Variants in NLGN1 observed in about 807,000 individuals in gnomAD.
NLGN1 encodes neuroligin 1.
NLGN1 carries 12 observed loss-of-function variants against 65.5 expected under a neutral mutation model. That is an observed-to-expected ratio of 0.18 (90% CI 0.12 to 0.30). The LOEUF is 0.30. NLGN1 is among the 10% of genes least tolerant of loss of function. The pLI is 1.00. For synonymous variants in NLGN1, 350 were observed against 359.5 expected (o/e 0.97, Z 0.30); for missense variants, 750 against 1,007.1 (o/e 0.74, Z 3.46).
At chr3:174,083,620 G>A (rs1223038117) in intron 4 of NLGN1, among the ~76,000 whole-genome samples, 1 of 152,068 alleles carries the variant, frequency 6.6e-6, no homozygotes, top group East Asian at 1.9e-4. Context: ...TAGATTTTAA[G>A]TATTGGAATA....
chr3:173,854,732 T>C (rs1417004301), intron 4 of NLGN1, among the ~76,000 whole-genome samples: 2 of 152,046 alleles, frequency 1.3e-5, no homozygotes, highest in African/African-American at 4.8e-5. Context: ...GTATTGGGGA[T>C]TGACATCTGA....
At chr3:173,978,836 A>C (rs867397175) in intron 4 of NLGN1, among the ~76,000 whole-genome samples, 2 of 135,482 alleles carry the variant, frequency 1.5e-5, no homozygotes, top group African/African-American at 2.8e-5. Context: ...TCTCTAATTA[A>C]AAAAAAAAAA....
chr3:173,696,417 CTT>C (rs1275781717), intron 3 of NLGN1, among the ~76,000 whole-genome samples: 3 of 151,962 alleles, frequency 2.0e-5, no homozygotes, highest in African/African-American at 2.4e-5. Flanking sequence ...TACCAAGAGA[CTT>C]TTTTTTCTCA....
At chr3:173,558,988 A>C (rs1452143728) in intron 2 of NLGN1, among the ~76,000 whole-genome samples, 4 of 152,128 alleles carry the variant, frequency 2.6e-5, no homozygotes, top group Non-Finnish European at 5.9e-5. Context: ...TTTTTGGTTG[A>C]ATAGATCTGA....
At chr3:173,478,221 G>A (rs977837941) in intron 2 of NLGN1, among the ~76,000 whole-genome samples, 7 of 152,134 alleles carry the variant, frequency 4.6e-5, no homozygotes, top group Non-Finnish European at 1.0e-4. Flanking sequence ...TAGTATGCAG[G>A]CATCAAAAGA....
chr3:173,661,222 T>C (rs1367422629), intron 3 of NLGN1, among the ~76,000 whole-genome samples: 1 of 152,012 alleles, frequency 6.6e-6, no homozygotes, highest in Non-Finnish European at 1.5e-5. Context: ...TTCTCTAGGA[T>C]TCTAAGAAAG....
At chr3:173,431,608 G>T (rs187473202) in intron 1 of NLGN1, among the ~76,000 whole-genome samples, 183 of 152,204 alleles carry the variant, frequency 1.2e-3, no homozygotes, top group African/African-American at 4.2e-3. Flanking sequence ...TTGATTGGAA[G>T]ATGCAGAGAT....
chr3:173,631,738 A>G (rs1225854257), intron 3 of NLGN1, among the ~76,000 whole-genome samples: 1 of 152,154 alleles, frequency 6.6e-6, no homozygotes, highest in African/African-American at 2.4e-5. Context: ...ATTTTCCAAC[A>G]TGCACTCAGA....
intron 2 of NLGN1, among the ~76,000 whole-genome samples, chr3:173,495,920 T>C (rs934313749): frequency 2.0e-5 from 3 of 151,884 alleles, no homozygotes; most frequent in African/African-American, 7.3e-5. Flanking sequence ...TGTATACTTT[T>C]GTAACTGGCT....
At chr3:173,889,290 G>T (rs73035436) in intron 4 of NLGN1, among the ~76,000 whole-genome samples, 2 of 152,024 alleles carry the variant, frequency 1.3e-5, no homozygotes, top group Admixed American at 6.6e-5. Context: ...ATGACAAGAC[G>T]GTTATTGGGA....
chr3:173,967,478 C>A (rs1033514026), intron 4 of NLGN1, among the ~76,000 whole-genome samples: 1 of 152,156 alleles, frequency 6.6e-6, no homozygotes, highest in Non-Finnish European at 1.5e-5. Flanking sequence ...AAAAAGAATT[C>A]TTGTCAAAAT....
chr3:173,955,448 A>G (rs565221611), intron 4 of NLGN1, among the ~76,000 whole-genome samples: 2 of 152,186 alleles, frequency 1.3e-5, no homozygotes, highest in South Asian at 2.1e-4. Context: ...TTAGAGTGCT[A>G]GGAAAGTGCT....
At chr3:173,714,899 G>A (rs1769591111) in intron 3 of NLGN1, among the ~76,000 whole-genome samples, 1 of 152,014 alleles carries the variant, frequency 6.6e-6, no homozygotes, top group Non-Finnish European at 1.5e-5. Flanking sequence ...AGACTTTCAG[G>A]GATTCTTCAG....
At chr3:174,067,502 G>T (rs576148834) in intron 4 of NLGN1, among the ~76,000 whole-genome samples, 3 of 152,202 alleles carry the variant, frequency 2.0e-5, no homozygotes, top group East Asian at 3.9e-4. Flanking sequence ...TTCCAAAGTC[G>T]GTGTTTTCTT....
chr3:173,956,089 T>C (rs1711960538), intron 4 of NLGN1, among the ~76,000 whole-genome samples: 2 of 152,128 alleles, frequency 1.3e-5, no homozygotes, highest in African/African-American at 2.4e-5. Context: ...TCTTCAATTA[T>C]GTTAATATTC....
At chr3:173,585,104 G>T (rs1465717675) in intron 2 of NLGN1, 1 of 152,352 alleles carries the variant, frequency 6.6e-6, no homozygotes, top group Non-Finnish European at 1.5e-5. Flanking sequence ...AGGTGATGCG[G>T]ACGCGGTGCC....
intron 4 of NLGN1, among the ~76,000 whole-genome samples, chr3:173,963,592 G>C (rs1477913636): frequency 1.3e-5 from 2 of 150,994 alleles, no homozygotes; most frequent in African/African-American, 2.4e-5. Flanking sequence ...GGACTGAGAA[G>C]AAAAAAGGAC....
chr3:174,242,794 A>C (rs1350902405), intron 4 of NLGN1, among the ~76,000 whole-genome samples: 1 of 152,170 alleles, frequency 6.6e-6, no homozygotes, highest in Non-Finnish European at 1.5e-5. Context: ...AATCATCCTG[A>C]AACCATTCCC....
At chr3:173,478,618 A>G (rs1726689149) in intron 2 of NLGN1, among the ~76,000 whole-genome samples, 1 of 152,182 alleles carries the variant, frequency 6.6e-6, no homozygotes, top group South Asian at 2.1e-4. Context: ...CAAGTGAAAC[A>G]AGGACAAAAT....
Sources: gnomAD v4.1 joint callset for allele counts (sites outside exome capture counted in the v4.1 genomes callset) on GRCh38, gnomAD v4.1.1 for gene constraint, MANE v1.5 for transcripts, NCBI Gene and HGNC (gene_info 2026-07-23, HGNC 2026-07-21) for gene names.